FBXO4: variants seen among roughly 807,000 people sequenced by gnomAD.
The protein encoded by FBXO4 is F-box only protein 4.
In FBXO4, 36 loss-of-function variants were observed where a neutral mutation model predicts 43.7. That is an observed-to-expected ratio of 0.82 (90% CI 0.63 to 1.09). The LOEUF (loss-of-function observed/expected upper bound fraction) is 1.09, where lower values mean the gene tolerates loss of function less well. FBXO4 is among the 50% of genes least tolerant of loss of function. The pLI is 0.00. For synonymous variants in FBXO4, 180 were observed against 165.6 expected, an observed-to-expected ratio of 1.09 and a Z score of -0.67; for missense variants, 435 against 474.1, an observed-to-expected ratio of 0.92 and a Z score of 0.77.
the FBXO4 span, among the ~76,000 whole-genome samples, chr5:42,009,369 GTGTGTA>G: frequency 4.2e-4 from 49 of 115,692 alleles, no homozygotes; most frequent in African/African-American, 1.6e-3. Flanking sequence ...ATTGGAGTGT[GTGTGTA>G]TGTGTGTGTG....
chr5:42,030,286 C>CCT, the FBXO4 span, among the ~76,000 whole-genome samples: 1 of 151,930 alleles, frequency 6.6e-6, no homozygotes, highest in East Asian at 1.9e-4. Context: ...AGAACAGAGC[C>CCT]CTCAGAAATA....
chr5:41,999,536 CAT>C, the FBXO4 span, among the ~76,000 whole-genome samples: 76 of 79,860 alleles, frequency 9.5e-4, no homozygotes, highest in Middle Eastern at 0.013. Context: ...TATATATATA[CAT>C]ATATATGTAT....
chr5:41,925,586 T>G (rs781607246), intron 1 of FBXO4, 88 bp downstream of exon 1: 30 of 1,046,394 alleles, frequency 2.9e-5, no homozygotes, highest in Non-Finnish European at 3.6e-5. Flanking sequence ...CCTGGGGAAC[T>G]CTCGCGCCCC....
At chr5:41,986,017 G>C in the FBXO4 span, among the ~76,000 whole-genome samples, 1 of 151,888 alleles carries the variant, frequency 6.6e-6, no homozygotes, top group Admixed American at 6.6e-5. Flanking sequence ...TTTTCCCTTA[G>C]AGTGAAAGGT....
At chr5:41,954,496 A>G in the FBXO4 span, among the ~76,000 whole-genome samples, 1 of 152,180 alleles carries the variant, frequency 6.6e-6, no homozygotes, top group Non-Finnish European at 1.5e-5. Context: ...AGCACCCCTG[A>G]CTGTAGCACT....
chr5:42,027,976 A>G, the FBXO4 span, among the ~76,000 whole-genome samples: 1 of 152,076 alleles, frequency 6.6e-6, no homozygotes, highest in Admixed American at 6.6e-5. Context: ...AGAATGACCC[A>G]TGTGCTAAAG....
the FBXO4 span, among the ~76,000 whole-genome samples, chr5:42,036,032 T>A: frequency 6.6e-6 from 1 of 152,146 alleles, no homozygotes; most frequent in Non-Finnish European, 1.5e-5. Context: ...GCAAGTAATG[T>A]CCTAGTATAA....
the FBXO4 span, among the ~76,000 whole-genome samples, chr5:42,024,761 T>C: frequency 1.3e-5 from 2 of 152,034 alleles, no homozygotes; most frequent in Non-Finnish European, 2.9e-5. Flanking sequence ...ATGAGTTCAA[T>C]TGTTTTGATT....
the FBXO4 span, among the ~76,000 whole-genome samples, chr5:41,983,633 T>A: frequency 2.0e-5 from 3 of 152,228 alleles, no homozygotes; most frequent in Admixed American, 6.5e-5. Context: ...ACTTTTCTTT[T>A]AACTTATCTG....
intron 5 of FBXO4, chr5:41,939,231 A>G: frequency 2.4e-6 from 1 of 420,138 alleles, no homozygotes; most frequent in Non-Finnish European, 4.2e-6. Flanking sequence ...GGGTAGTGAC[A>G]TCTACAGAAT....
chr5:41,981,898 C>A, the FBXO4 span, among the ~76,000 whole-genome samples: 9 of 138,582 alleles, frequency 6.5e-5, no homozygotes, highest in South Asian at 7.8e-4. Context: ...ATCCCTCCCC[C>A]CTCCCCTCAC....
At chr5:41,953,920 G>C in the FBXO4 span, among the ~76,000 whole-genome samples, 1 of 152,148 alleles carries the variant, frequency 6.6e-6, no homozygotes, top group East Asian at 1.9e-4. Flanking sequence ...TGAGTAGGTT[G>C]CGAAGAAAAC....
the FBXO4 span, among the ~76,000 whole-genome samples, chr5:42,012,245 AG>A: frequency 2.6e-5 from 4 of 152,128 alleles, no homozygotes; most frequent in Non-Finnish European, 5.9e-5. Context: ...GGGCCTCTAT[AG>A]AATGCCCTGA....
At chr5:41,951,062 G>T in the FBXO4 span, among the ~76,000 whole-genome samples, 10 of 152,204 alleles carry the variant, frequency 6.6e-5, no homozygotes, top group South Asian at 4.1e-4. Context: ...GGGCCTGTTG[G>T]GGGGTAGGGG....
Position 41,925,397 on chromosome 5 carries a change from G to A in FBXO4, c.88G>A (p.Gly30Ser). Residue 30 changes from glycine to serine, a missense_variant, in exon 1 of 7, where the codon GGC (glycine) becomes AGC (serine). Gly to Ser is a moderately conservative substitution (Grantham distance 56). Transcript: ENST00000281623. ...CCGCCTGGAGGCGGCCATCCTCAGCGGCTGGAAGACCTTCTGGCAGTCAGT... is the reference window on the plus strand; with the variant it reads ...CCGCCTGGAGGCGGCCATCCTCAGCAGCTGGAAGACCTTCTGGCAGTCAGT... ...WGRLEAAILSGWKTFWQSVSK... is the reference protein window; with the variant it reads ...WGRLEAAILSSWKTFWQSVSK... The A allele has an allele frequency of 7.2e-7, 1 of 1,384,906 alleles. No homozygotes were observed. The highest frequency in any genetic ancestry group is 9.4e-7 in the Non-Finnish European group (1 of 1,064,814). 85.8% of individuals were successfully genotyped at this position (1,384,906 alleles called of 1,614,324 possible). A position where few individuals can be genotyped will look rare whatever the true frequency, so the allele number is the denominator to read the frequency against.
At chr5:41,997,001 T>C in the FBXO4 span, among the ~76,000 whole-genome samples, 1 of 152,244 alleles carries the variant, frequency 6.6e-6, no homozygotes, top group Admixed American at 6.5e-5. Context: ...GATCAAGTTC[T>C]CTCTGAATAA....
chr5:42,032,057 C>CTCTG, the FBXO4 span, among the ~76,000 whole-genome samples: 1 of 139,236 alleles, frequency 7.2e-6, no homozygotes, highest in Non-Finnish European at 1.6e-5. Context: ...GTCTTTTTTT[C>CTCTG]TGTGTGTGTG....
intron 3 of FBXO4, among the ~76,000 whole-genome samples, chr5:41,930,944 C>T (rs1232225790): frequency 2.6e-5 from 4 of 152,222 alleles, no homozygotes; most frequent in Non-Finnish European, 4.4e-5. Flanking sequence ...GCGTGAGCCA[C>T]CGCGCCCGGC....
chr5:41,951,969 C>T, the FBXO4 span: 1 of 329,146 alleles, frequency 3.0e-6, no homozygotes, highest in Non-Finnish European at 5.9e-6. Flanking sequence ...GGATATGACA[C>T]TGACATCAGC....
Sources: allele counts gnomAD v4.1 joint callset (sites outside exome capture counted in the v4.1 genomes callset), GRCh38; gene constraint gnomAD v4.1.1; transcripts MANE v1.5; gene names NCBI Gene and HGNC (gene_info 2026-07-23, HGNC 2026-07-21).